The following TBC1D5 variants were observed in gnomAD, a reference collection of about 807,000 sequenced individuals.
The protein encoded by TBC1D5 is TBC1 domain family member 5, also known as TBC1 domain family, member 5.
TBC1D5 carries 75 observed loss-of-function variants against 100.3 expected under a neutral mutation model. That is an observed-to-expected ratio of 0.75 (90% confidence interval 0.62 to 0.91). TBC1D5 has a LOEUF of 0.91. TBC1D5 is among the 40% of genes least tolerant of loss of function. The probability of loss-of-function intolerance (pLI) is 0.00; values close to 1 mark genes in which losing one functional copy is unlikely to be tolerated. For missense variants in TBC1D5, 910 were observed against 942.4 expected, an observed-to-expected ratio of 0.97 and a Z score of 0.45; for synonymous variants, 323 against 325.6, an observed-to-expected ratio of 0.99 and a Z score of 0.09.
chr3:17,443,376 CT>C (rs2094710683), intron 3 of TBC1D5, among the ~76,000 whole-genome samples: 1 of 152,170 alleles, frequency 6.6e-6, no homozygotes, highest in Non-Finnish European at 1.5e-5. Context: ...ATACCACGTG[CT>C]GGATACCATA....
At chr3:17,428,855 G>C (rs953347692) in intron 3 of TBC1D5, among the ~76,000 whole-genome samples, 1 of 151,904 alleles carries the variant, frequency 6.6e-6, no homozygotes, top group African/African-American at 2.4e-5. Context: ...TTCTGTTAAT[G>C]ACTAAGTCAC....
In TBC1D5 at chr3:17,576,176, C is replaced by G. The variant is rs374332335; in HGVS notation, c.-36+47673G>C. ...GATGAAGAAAAAGGAAACACGTACA[C>G]GTGTTTAAGATTGTATTGCTTTTAA... On this transcript the variant is annotated intron_variant, in intron 2 of 21. Transcript: ENST00000253692. 4.6e-5 allele frequency among the ~76,000 whole-genome samples: 7 copies of G among 152,104 alleles called. No individual in the cohort carries two copies. The South Asian group carries it at 8.3e-4, about 18-fold the overall frequency.
intron 3 of TBC1D5, among the ~76,000 whole-genome samples, chr3:17,467,255 C>T (rs2095314975): frequency 1.4e-5 from 2 of 147,992 alleles, no homozygotes; most frequent in Admixed American, 1.3e-4. Flanking sequence ...ATTAAGTCCA[C>T]CTAATTAGGG....
At chr3:17,217,123 ATAC>A (rs1207595959) in intron 17 of TBC1D5, among the ~76,000 whole-genome samples, 1 of 152,148 alleles carries the variant, frequency 6.6e-6, no homozygotes, top group African/African-American at 2.4e-5. Flanking sequence ...AGATGGAGTG[ATAC>A]TATATGTGGT....
chr3:17,445,836 C>G (rs1476882963), intron 3 of TBC1D5, among the ~76,000 whole-genome samples: 2 of 152,098 alleles, frequency 1.3e-5, no homozygotes, highest in African/African-American at 4.8e-5. Flanking sequence ...AGTCTTGGAC[C>G]ATATTCGCCA....
intron 1 of TBC1D5, among the ~76,000 whole-genome samples, chr3:17,662,219 A>AG (rs2153745259): frequency 6.6e-6 from 1 of 152,292 alleles, no homozygotes; most frequent in East Asian, 1.9e-4. Flanking sequence ...ACCAGCCTTG[A>AG]GAGTAACTCA....
chr3:17,219,274 A>AT (rs900468173), intron 17 of TBC1D5, among the ~76,000 whole-genome samples: 64 of 150,880 alleles, frequency 4.2e-4, no homozygotes, highest in South Asian at 6.3e-4. Context: ...TAAAGCCCCT[A>AT]TTTTTTTTAC....
intron 2 of TBC1D5, among the ~76,000 whole-genome samples, chr3:17,513,922 G>A (rs1317147034): frequency 6.6e-6 from 1 of 151,870 alleles, no homozygotes; most frequent in African/African-American, 2.4e-5. Flanking sequence ...TTGAATATCT[G>A]GTTTAAAAAA....
intron 1 of TBC1D5, among the ~76,000 whole-genome samples, chr3:17,679,584 T>C (rs2069165807): frequency 6.6e-6 from 1 of 151,468 alleles, no homozygotes; most frequent in African/African-American, 2.5e-5. Context: ...TCAGTAACTG[T>C]ATTACTGAAC....
intron 2 of TBC1D5, among the ~76,000 whole-genome samples, chr3:17,529,835 A>G (rs1170492813): frequency 6.6e-6 from 1 of 152,106 alleles, no homozygotes; most frequent in African/African-American, 2.4e-5. Flanking sequence ...AACGTGAGAT[A>G]AAATTGGACG....
intron 2 of TBC1D5, among the ~76,000 whole-genome samples, chr3:17,529,621 G>C (rs2096190062): frequency 6.6e-6 from 1 of 151,810 alleles, no homozygotes; most frequent in South Asian, 2.1e-4. Context: ...CACGGTGCTG[G>C]TACAAAGAAG....
chr3:17,195,949 T>A (rs1196976862), intron 18 of TBC1D5, among the ~76,000 whole-genome samples: 15 of 152,266 alleles, frequency 9.9e-5, no homozygotes, highest in African/African-American at 3.4e-4. Flanking sequence ...AATAAGTGGT[T>A]GGTAAATGCT....
intron 8 of TBC1D5, among the ~76,000 whole-genome samples, chr3:17,395,726 C>T (rs1207738823): frequency 6.6e-6 from 1 of 152,048 alleles, no homozygotes; most frequent in Admixed American, 6.6e-5. Flanking sequence ...TACTACTGCT[C>T]CTAAATTCCG....
intron 17 of TBC1D5, 76 bp from the exon 19 acceptor site, chr3:17,214,446 AATG>A: frequency 1.4e-6 from 2 of 1,446,090 alleles, no homozygotes; most frequent in Non-Finnish European, 1.9e-6. Context: ...GTTTTTAATA[AATG>A]ATGATCAATT....
chr3:17,571,562 A>T (rs917585389), intron 2 of TBC1D5, among the ~76,000 whole-genome samples: 1 of 151,780 alleles, frequency 6.6e-6, no homozygotes, highest in South Asian at 2.1e-4. Context: ...CTTTCTTATC[A>T]ATCTTAGACT....
chr3:17,625,474 A>C (rs2062976275), intron 1 of TBC1D5, among the ~76,000 whole-genome samples: 1 of 152,018 alleles, frequency 6.6e-6, no homozygotes, highest in East Asian at 1.9e-4. Flanking sequence ...ACGATATTTA[A>C]TTTTTTTAAG....
intron 15 of TBC1D5, among the ~76,000 whole-genome samples, chr3:17,284,287 T>C (rs1236470523): frequency 1.3e-5 from 2 of 152,060 alleles, no homozygotes; most frequent in African/African-American, 4.8e-5. Context: ...CTGGCTAATT[T>C]TTGTATTTTT....
intron 2 of TBC1D5, among the ~76,000 whole-genome samples, chr3:17,612,749 A>G (rs776633809): frequency 2.0e-5 from 3 of 152,178 alleles, no homozygotes; most frequent in Non-Finnish European, 4.4e-5. Context: ...GGGAAATCCT[A>G]GAAAACTGAA....
chr3:17,720,320 G>A (rs533904387), intron 1 of TBC1D5, among the ~76,000 whole-genome samples: 8 of 151,972 alleles, frequency 5.3e-5, no homozygotes, highest in Non-Finnish European at 7.4e-5. Context: ...AAGTTTCAAA[G>A]ATAAAAACCT....
Sources: gnomAD v4.1 joint callset for allele counts (sites outside exome capture counted in the v4.1 genomes callset) on GRCh38, gnomAD v4.1.1 for gene constraint, MANE v1.5 for transcripts, NCBI Gene and HGNC (gene_info 2026-07-23, HGNC 2026-07-21) for gene names.